BCAR3: variants seen among roughly 807,000 people sequenced by gnomAD.
The protein encoded by BCAR3 is breast cancer anti-estrogen resistance protein 3.
Under a neutral mutation model 80.1 loss-of-function variants are expected in BCAR3, and 37 were observed. The ratio of observed to expected loss-of-function variants is 0.46; its 90% CI spans 0.36 to 0.61. The LOEUF (loss-of-function observed/expected upper bound fraction) is 0.61. Among genes scored for constraint, BCAR3 ranks in the 20% least tolerant of loss-of-function variants. The probability of loss-of-function intolerance (pLI) is 0.00; values close to 1 mark genes in which losing one functional copy is unlikely to be tolerated. For synonymous variants in BCAR3, 389 were observed against 418.9 expected, an observed-to-expected ratio of 0.93 and a Z score of 0.87; for missense variants, 978 against 1,068.2, an observed-to-expected ratio of 0.92 and a Z score of 1.18.
chr1:93,727,830 T>C (rs767297447), intron 2 of BCAR3, among the ~76,000 whole-genome samples: 3 of 152,222 alleles, frequency 2.0e-5, no homozygotes, highest in Non-Finnish European at 2.9e-5. Context: ...GTAATTATAA[T>C]CTTATTTGGA....
At chr1:93,601,170 C>T (rs972188747) in intron 3 of BCAR3, among the ~76,000 whole-genome samples, 2 of 152,198 alleles carry the variant, frequency 1.3e-5, no homozygotes, top group Non-Finnish European at 2.9e-5. Context: ...TGGATGCTCG[C>T]TTGACACAAT....
rs543969360 is a variant in BCAR3 at position 93,709,602 on chromosome 1, G to A, written c.-62-3460C>T. Among the ~76,000 whole-genome samples, 17 of 152,334 alleles carry A rather than the reference G, an allele frequency of 1.1e-4. No individual in the cohort carries two copies. In the Middle Eastern group the frequency reaches 0.014, roughly 122 times the overall value. ...GCATTAGATTAGGATTGACATTAGT[G>A]AATGCTCAGCAGGCAGTCCCCCTTG... On this transcript the variant is annotated intron_variant, in intron 2 of 13. Coordinates refer to the BCAR3 transcript ENST00000370244.
At chr1:93,812,830 C>A (rs1653892711) in intron 2 of BCAR3, among the ~76,000 whole-genome samples, 1 of 152,200 alleles carries the variant, frequency 6.6e-6, no homozygotes, top group African/African-American at 2.4e-5. Flanking sequence ...AAATTCTCTA[C>A]CCCCCTATCC....
At chr1:93,567,679 G>C in intron 10 of BCAR3, 61 bp downstream of exon 10, 1 of 1,510,230 alleles carries the variant, frequency 6.6e-7, no homozygotes, top group South Asian at 1.1e-5. Context: ...AACATGCCCT[G>C]TGTACTTGTA....
At chr1:93,590,218 A>C (rs1362723210) in intron 4 of BCAR3, 1 of 152,224 alleles carries the variant, frequency 6.6e-6, no homozygotes, top group Non-Finnish European at 1.5e-5. Flanking sequence ...GATGCTCAAA[A>C]ATAGTTAACA....
chr1:93,667,482 G>A (rs1647981961), intron 2 of BCAR3, among the ~76,000 whole-genome samples: 1 of 152,210 alleles, frequency 6.6e-6, no homozygotes, highest in Admixed American at 6.5e-5. Context: ...GCAAAAACAA[G>A]GATATGAACT....
At chr1:93,766,198 C>T (rs935124581) in intron 2 of BCAR3, among the ~76,000 whole-genome samples, 5 of 152,178 alleles carry the variant, frequency 3.3e-5, no homozygotes, top group African/African-American at 1.2e-4. Context: ...AGTCAGTTTA[C>T]AGAACAACCC....
intron 2 of BCAR3, among the ~76,000 whole-genome samples, chr1:93,773,812 T>C (rs961281431): frequency 1.5e-4 from 23 of 152,156 alleles, no homozygotes; most frequent in African/African-American, 4.8e-5. Flanking sequence ...TGCTCCTTTT[T>C]TTAAAAATAA....
chr1:93,736,681 G>T (rs1236530711), intron 2 of BCAR3, among the ~76,000 whole-genome samples: 1 of 152,128 alleles, frequency 6.6e-6, no homozygotes, highest in African/African-American at 2.4e-5. Context: ...GCACTAAGGG[G>T]GTCCAGGAAG....
At chr1:93,745,137 A>G (rs1469420288) in intron 2 of BCAR3, among the ~76,000 whole-genome samples, 1 of 152,252 alleles carries the variant, frequency 6.6e-6, no homozygotes, top group Non-Finnish European at 1.5e-5. Context: ...AGTGATGGAA[A>G]GTCTCCCAGG....
chr1:93,829,629 G>A (rs1258025326), intron 2 of BCAR3, among the ~76,000 whole-genome samples: 2 of 151,770 alleles, frequency 1.3e-5, no homozygotes, highest in Non-Finnish European at 2.9e-5. Flanking sequence ...GGGATTACAG[G>A]CACGAGCCAC....
chr1:93,566,452 C>T (rs533984641), intron 11 of BCAR3, among the ~76,000 whole-genome samples: 7 of 152,154 alleles, frequency 4.6e-5, no homozygotes, highest in African/African-American at 1.7e-4. Context: ...CCAGTTAGCA[C>T]GGTGCCGCGC....
At chr1:93,698,384 T>C (rs932361548) in intron 3 of BCAR3, among the ~76,000 whole-genome samples, 1 of 152,092 alleles carries the variant, frequency 6.6e-6, no homozygotes, top group African/African-American at 2.4e-5. Context: ...TAGGAGAACA[T>C]AAAAGGAACC....
chr1:93,743,633 T>C lies in BCAR3; in HGVS notation c.-62-37491A>G, dbSNP rs113675719. On this transcript the variant is annotated intron_variant, in intron 2 of 13. Coordinates refer to the BCAR3 transcript ENST00000370244. ...GTCTAATTTGGATCTAAGCACATGG[T>C]GTTTTCCCAGGTTAACTCTGTTTGA... Among the ~76,000 whole-genome samples the C allele has an allele frequency of 9.1e-4, 138 of 152,352 alleles. 3 individuals carry two copies. The highest frequency in any genetic ancestry group is 3.2e-3 in the African/African-American group (133 of 41,582).
intron 3 of BCAR3, among the ~76,000 whole-genome samples, chr1:93,630,036 C>A (rs1389859538): frequency 6.6e-6 from 1 of 152,178 alleles, no homozygotes; most frequent in East Asian, 1.9e-4. Context: ...CTCATTCCCC[C>A]TTCCCTAAAT....
intron 2 of BCAR3, among the ~76,000 whole-genome samples, chr1:93,786,192 CA>C (rs61644309): frequency 0.059 from 1,354 of 23,130 alleles, 11 homozygotes; most frequent in Admixed American, 0.073. Context: ...GACTCCGTCT[CA>C]AAAAAAAAAA....
chr1:93,676,937 C>T (rs1430803816), intron 1 of BCAR3, among the ~76,000 whole-genome samples: 3 of 152,248 alleles, frequency 2.0e-5, no homozygotes, highest in African/African-American at 4.8e-5. Context: ...TCTACTTAGA[C>T]TTCAAGATTG....
At chr1:93,826,244 C>T (rs1043327041) in intron 2 of BCAR3, among the ~76,000 whole-genome samples, 2 of 152,158 alleles carry the variant, frequency 1.3e-5, no homozygotes, top group Non-Finnish European at 2.9e-5. Context: ...ATGAACAACT[C>T]TCCAGACCCT....
At chr1:93,722,507 G>A (rs1013881004) in intron 2 of BCAR3, among the ~76,000 whole-genome samples, 6 of 152,204 alleles carry the variant, frequency 3.9e-5, no homozygotes, top group Non-Finnish European at 7.3e-5. Context: ...TAAGCCGCAG[G>A]CAGCCACTAG....
Sources: gnomAD v4.1 joint callset for allele counts (sites outside exome capture counted in the v4.1 genomes callset) on GRCh38, gnomAD v4.1.1 for gene constraint, MANE v1.5 for transcripts, NCBI Gene and HGNC (gene_info 2026-07-23, HGNC 2026-07-21) for gene names.